KCNIP4: variants seen among roughly 807,000 people sequenced by gnomAD.
KCNIP4 encodes the protein potassium voltage-gated channel interacting protein 4, also known as Kv channel-interacting protein 4.
KCNIP4 carries 12 observed loss-of-function variants against 34.0 expected under a neutral mutation model. The observed-to-expected ratio is 0.35, with a 90% CI of 0.23 to 0.57. KCNIP4 has a LOEUF of 0.57. KCNIP4 is among the 20% of genes least tolerant of loss of function. KCNIP4 has a pLI of 0.83. For missense variants in KCNIP4, 238 were observed against 311.7 expected (o/e 0.76, Z 1.78); for synonymous variants, 124 against 102.2 (o/e 1.21, Z -1.29).
At chr4:21,888,035 C>A (rs1325838008) in intron 1 of KCNIP4, among the ~76,000 whole-genome samples, 1 of 152,160 alleles carries the variant, frequency 6.6e-6, no homozygotes, top group East Asian at 1.9e-4. Flanking sequence ...GATTCTTCTT[C>A]ATTATTTCAT....
At chr4:21,945,724 C>T (rs116184824) in intron 1 of KCNIP4, among the ~76,000 whole-genome samples, 3,263 of 151,726 alleles carry the variant, frequency 0.022, 94 homozygotes, top group African/African-American at 0.058. Flanking sequence ...GATTCTCTTT[C>T]AAACATAGTT....
chr4:20,756,926 C>T (rs1003530762), intron 4 of KCNIP4, among the ~76,000 whole-genome samples: 2 of 152,016 alleles, frequency 1.3e-5, no homozygotes, highest in African/African-American at 4.8e-5. Flanking sequence ...CCCCCAGTAA[C>T]CTCATCTACA....
At position 21,641,563 on chromosome 4, in the gene KCNIP4, G is replaced by A. The variant is rs114148866; in HGVS notation, c.61+307008C>T. Among the ~76,000 whole-genome samples, 1,130 of 152,304 alleles carry A rather than the reference G, an allele frequency of 7.4e-3. 13 individuals carry two copies. Among genetic ancestry groups the A allele is most frequent in the African/African-American group, 0.025 (1,053 of 41,568 alleles). ...AAATCTGATTGGAAAATTGGTTCAAGGAAGTTTGGGGATGAGGTATGTGGA... is the reference window on the plus strand; with the variant it reads ...AAATCTGATTGGAAAATTGGTTCAAAGAAGTTTGGGGATGAGGTATGTGGA... On this transcript the variant is annotated intron_variant, in intron 1 of 8. Transcript: ENST00000382152.
chr4:21,342,457 C>T (rs1282384152), intron 1 of KCNIP4, among the ~76,000 whole-genome samples: 3 of 152,108 alleles, frequency 2.0e-5, no homozygotes, highest in African/African-American at 7.2e-5. Context: ...CTATTGCTCA[C>T]TAGAGGAAAT....
intron 1 of KCNIP4, among the ~76,000 whole-genome samples, chr4:21,099,414 A>T (rs1175638466): frequency 1.3e-5 from 2 of 152,166 alleles, no homozygotes; most frequent in South Asian, 4.1e-4. Context: ...CTGAATGATG[A>T]GAACACATGG....
chr4:21,394,721 G>C (rs182362871), intron 1 of KCNIP4, among the ~76,000 whole-genome samples: 1 of 152,082 alleles, frequency 6.6e-6, no homozygotes, highest in Non-Finnish European at 1.5e-5. Context: ...CCAGATGCCT[G>C]CTCCCTATAG....
chr4:21,008,684 C>T (rs985447381), intron 1 of KCNIP4, among the ~76,000 whole-genome samples: 3 of 151,700 alleles, frequency 2.0e-5, no homozygotes, highest in Middle Eastern at 3.4e-3. Flanking sequence ...CCACCACGCC[C>T]GGCTAATTTT....
chr4:21,859,379 C>T (rs958370119), intron 1 of KCNIP4, among the ~76,000 whole-genome samples: 1 of 151,750 alleles, frequency 6.6e-6, no homozygotes. Context: ...ATAGTGCTCT[C>T]GGGTGGATCA....
At chr4:21,887,427 A>T (rs1415704897) in intron 1 of KCNIP4, among the ~76,000 whole-genome samples, 1 of 152,032 alleles carries the variant, frequency 6.6e-6, no homozygotes, top group Non-Finnish European at 1.5e-5. Flanking sequence ...CCCAAGACCT[A>T]ATCACCTCCT....
intron 1 of KCNIP4, among the ~76,000 whole-genome samples, chr4:21,694,914 C>G (rs368049444): frequency 6.4e-5 from 3 of 46,536 alleles, no homozygotes; most frequent in South Asian, 1.2e-3. Context: ...CACGATTGAC[C>G]AAAAAAAAAA....
At chr4:21,908,404 G>GT (rs1207786344) in intron 1 of KCNIP4, among the ~76,000 whole-genome samples, 2 of 152,000 alleles carry the variant, frequency 1.3e-5, no homozygotes, top group East Asian at 3.9e-4. Flanking sequence ...CAAGCTCCCC[G>GT]TCAAGATCAA....
intron 1 of KCNIP4, among the ~76,000 whole-genome samples, chr4:21,941,251 C>G (rs977300265): frequency 6.6e-6 from 1 of 152,038 alleles, no homozygotes; most frequent in African/African-American, 2.4e-5. Context: ...TTTCAGACAT[C>G]TTATCATATG....
rs1398636483 is a variant in KCNIP4, at chr4:20,729,460, C to A, written c.*622G>T. 2 of 123,440 alleles carry A rather than the reference C, an allele frequency of 1.6e-5. No homozygotes were observed. The highest frequency in any genetic ancestry group is 3.7e-5 in the Non-Finnish European group (2 of 54,438). 7.6% of individuals were successfully genotyped at this position (123,440 alleles called of 1,614,324 possible). A position where few individuals can be genotyped will look rare whatever the true frequency, so the allele number is the denominator to read the frequency against. ...AGTTTTATTAGGCATATGCTGATAT[C>A]TGATAATAAACTAATTTTTAAATGT... On this transcript the variant is annotated 3_prime_UTR_variant, in exon 9 of 9. Coordinates refer to ENST00000382152, the MANE Select transcript of KCNIP4 (RefSeq NM_025221.6).
intron 1 of KCNIP4, among the ~76,000 whole-genome samples, chr4:21,504,475 A>G (rs200844773): frequency 9.8e-6 from 1 of 101,850 alleles, no homozygotes; most frequent in Non-Finnish European, 2.0e-5. Context: ...CAAAAAAAAA[A>G]AAAGAAAGAA....
At chr4:21,213,065 A>T (rs996209136) in intron 1 of KCNIP4, among the ~76,000 whole-genome samples, 1 of 152,112 alleles carries the variant, frequency 6.6e-6, no homozygotes, top group African/African-American at 2.4e-5. Context: ...AATAATAACT[A>T]AAGTGAACTA....
At chr4:21,066,875 GC>G (rs1239030270) in intron 1 of KCNIP4, among the ~76,000 whole-genome samples, 1 of 152,156 alleles carries the variant, frequency 6.6e-6, no homozygotes, top group Non-Finnish European at 1.5e-5. Context: ...GCTCAAAGGG[GC>G]CAGGGGACTT....
intron 1 of KCNIP4, among the ~76,000 whole-genome samples, chr4:21,542,754 AG>A (rs1737816587): frequency 1.4e-5 from 2 of 147,914 alleles, no homozygotes; most frequent in African/African-American, 2.6e-5. Context: ...TTAGTACAAG[AG>A]AGAGAAATTT....
chr4:21,487,420 A>G (rs1434354185), intron 1 of KCNIP4, among the ~76,000 whole-genome samples: 2 of 152,190 alleles, frequency 1.3e-5, no homozygotes, highest in Non-Finnish European at 2.9e-5. Flanking sequence ...TCTTATCAAC[A>G]TGACTTCACT....
At chr4:20,995,133 G>A (rs1737430904) in intron 1 of KCNIP4, among the ~76,000 whole-genome samples, 1 of 152,126 alleles carries the variant, frequency 6.6e-6, no homozygotes, top group Non-Finnish European at 1.5e-5. Flanking sequence ...AGAAAACTGA[G>A]ACTAAAAAGG....
Sources: gnomAD v4.1 joint callset for allele counts (sites outside exome capture counted in the v4.1 genomes callset) on GRCh38, gnomAD v4.1.1 for gene constraint, MANE v1.5 for transcripts, NCBI Gene and HGNC (gene_info 2026-07-23, HGNC 2026-07-21) for gene names.